Variants in IMMP2L observed in about 807,000 individuals in gnomAD.
The protein encoded by IMMP2L is inner mitochondrial membrane peptidase subunit 2.
IMMP2L carries 18 observed loss-of-function variants against 19.3 expected under a neutral mutation model. The observed-to-expected ratio is 0.93, with a 90% CI of 0.64 to 1.38. The LOEUF (loss-of-function observed/expected upper bound fraction) is 1.38. Ranked by LOEUF, IMMP2L falls within the 40% of genes most tolerant of loss-of-function variation. The probability of loss-of-function intolerance (pLI) is 0.00; values close to 1 mark genes in which losing one functional copy is unlikely to be tolerated. For missense variants in IMMP2L, 233 were observed against 218.2 expected, an observed-to-expected ratio of 1.07 and a Z score of -0.43; for synonymous variants, 76 against 73.0, an observed-to-expected ratio of 1.04 and a Z score of -0.21.
At chr7:110,745,028 C>G (rs1797242007) in intron 5 of IMMP2L, among the ~76,000 whole-genome samples, 1 of 152,106 alleles carries the variant, frequency 6.6e-6, no homozygotes, top group Non-Finnish European at 1.5e-5. Flanking sequence ...GAATTGCTAA[C>G]TAGAATAACC....
At chr7:111,077,880 C>T (rs1795551018) in intron 3 of IMMP2L, among the ~76,000 whole-genome samples, 1 of 152,112 alleles carries the variant, frequency 6.6e-6, no homozygotes, top group Non-Finnish European at 1.5e-5. Context: ...TGCCAAGGAC[C>T]TTTGTGCACA....
At chr7:111,211,296 G>T (rs1009195839) in intron 3 of IMMP2L, among the ~76,000 whole-genome samples, 1 of 152,116 alleles carries the variant, frequency 6.6e-6, no homozygotes, top group Non-Finnish European at 1.5e-5. Flanking sequence ...GGGAGGAAAT[G>T]ACTCTATGCG....
rs1819616248 is a variant in IMMP2L at position 110,967,105 on chromosome 7, T to C, written c.240-3540A>G. On this transcript the variant is annotated intron_variant, in intron 3 of 5. Transcript: ENST00000405709. ...ATTTGGCAAGATTTCTCCAGAGACT[T>C]GGATGAGGAGCCTAGAATTGTTTCT... Among the ~76,000 whole-genome samples the C allele has an allele frequency of 1.3e-5, 2 of 152,104 alleles. 1 individual carries two copies. The highest frequency in any genetic ancestry group is 4.1e-4 in the South Asian group (2 of 4,824).
chr7:110,902,869 A>T (rs569229004), intron 4 of IMMP2L, among the ~76,000 whole-genome samples: 1,222 of 38,044 alleles, frequency 0.032, 369 homozygotes, highest in African/African-American at 0.16. Context: ...GAGGCGGAGC[A>T]TGCAGTGAGC....
At chr7:110,674,210 G>A (rs1486816404) in intron 5 of IMMP2L, among the ~76,000 whole-genome samples, 2 of 152,128 alleles carry the variant, frequency 1.3e-5, no homozygotes, top group Non-Finnish European at 2.9e-5. Flanking sequence ...GCAAAAGGGG[G>A]AAAGCCCTTT....
intron 3 of IMMP2L, among the ~76,000 whole-genome samples, chr7:111,429,918 C>T (rs1311509106): frequency 1.3e-5 from 2 of 151,958 alleles, no homozygotes; most frequent in East Asian, 3.9e-4. Context: ...TATTATATAG[C>T]AAGTATGCTT....
intron 5 of IMMP2L, among the ~76,000 whole-genome samples, chr7:110,669,081 G>A (rs1326520696): frequency 0.081 from 7,178 of 88,492 alleles, 260 homozygotes; most frequent in African/African-American, 0.15. Flanking sequence ...GTGTGTGTGT[G>A]TGTGTGTGTA....
chr7:111,147,203 G>A (rs1803569573), intron 3 of IMMP2L, among the ~76,000 whole-genome samples: 1 of 151,990 alleles, frequency 6.6e-6, no homozygotes, highest in Non-Finnish European at 1.5e-5. Context: ...AGGTCAGGGG[G>A]CTGTTGTTGC....
At chr7:110,700,791 A>T (rs527958961) in intron 5 of IMMP2L, among the ~76,000 whole-genome samples, 1 of 152,366 alleles carries the variant, frequency 6.6e-6, no homozygotes, top group South Asian at 2.1e-4. Flanking sequence ...ATTAATTCTA[A>T]GAAATAAAAG....
chr7:110,836,751 C>T (rs1399600900), intron 5 of IMMP2L, among the ~76,000 whole-genome samples: 2 of 152,084 alleles, frequency 1.3e-5, no homozygotes, highest in Non-Finnish European at 2.9e-5. Flanking sequence ...GGTTGTTTGC[C>T]CTTGTGCTTT....
At chr7:110,886,891 ATT>A (rs1239790030) in intron 4 of IMMP2L, among the ~76,000 whole-genome samples, 196 bp from the exon 5 acceptor site, 15 of 152,042 alleles carry the variant, frequency 9.9e-5, no homozygotes, top group African/African-American at 3.6e-4. Flanking sequence ...TTCTTTTTAT[ATT>A]TCTATAGGTA....
chr7:111,442,643 C>G (rs1278232738), intron 3 of IMMP2L, among the ~76,000 whole-genome samples: 7 of 151,630 alleles, frequency 4.6e-5, no homozygotes, highest in Admixed American at 3.9e-4. Context: ...GTATAGGTAC[C>G]TCAAATGTGA....
At position 110,817,408 on chromosome 7, in the gene IMMP2L, A is replaced by G. The variant is rs540416041; in HGVS notation, c.408+69185T>C. 2.6e-5 allele frequency among the ~76,000 whole-genome samples: 4 copies of G among 152,210 alleles called. No homozygotes were observed. In the East Asian group the frequency reaches 7.8e-4, roughly 30 times the overall value. ...TACCTAGGAATCCAACTTACAAGGG[A>G]TGTGAAGGACCTCTTCAAGGAGAAC... On this transcript the variant is annotated intron_variant, in intron 5 of 5. Transcript: ENST00000405709.
intron 5 of IMMP2L, among the ~76,000 whole-genome samples, chr7:110,861,110 A>T (rs866148779): frequency 4.5e-4 from 57 of 127,648 alleles, no homozygotes; most frequent in East Asian, 3.8e-3. Context: ...AGAGAGAGAG[A>T]GAGAGAGAGA....
chr7:111,117,240 T>TAG (rs913989117), intron 3 of IMMP2L, among the ~76,000 whole-genome samples: 8 of 152,136 alleles, frequency 5.3e-5, no homozygotes, highest in African/African-American at 1.9e-4. Context: ...ATTCAATTGT[T>TAG]AGACACCTTT....
At chr7:111,155,911 T>C (rs1307856705) in intron 3 of IMMP2L, among the ~76,000 whole-genome samples, 1 of 152,066 alleles carries the variant, frequency 6.6e-6, no homozygotes, top group African/African-American at 2.4e-5. Flanking sequence ...TTTTAAACTC[T>C]GCCATTTTAA....
chr7:111,535,264 CA>C (rs1214112420), intron 1 of IMMP2L, among the ~76,000 whole-genome samples: 2 of 150,356 alleles, frequency 1.3e-5, no homozygotes, highest in African/African-American at 4.9e-5. Context: ...AGAAATGTTC[CA>C]TATCAAAAAG....
At chr7:111,119,721 A>C (rs1353463224) in intron 3 of IMMP2L, among the ~76,000 whole-genome samples, 3 of 152,182 alleles carry the variant, frequency 2.0e-5, no homozygotes, top group African/African-American at 7.2e-5. Flanking sequence ...TTCATTCAAA[A>C]CATTTCTTGA....
chr7:111,311,949 C>T (rs1823570395), intron 3 of IMMP2L, among the ~76,000 whole-genome samples: 5 of 152,134 alleles, frequency 3.3e-5, no homozygotes, highest in Middle Eastern at 3.4e-3. Flanking sequence ...AAAGTAGCAC[C>T]TAATATCACA....
Sources: gnomAD v4.1 joint callset for allele counts (sites outside exome capture counted in the v4.1 genomes callset) on GRCh38, gnomAD v4.1.1 for gene constraint, MANE v1.5 for transcripts, NCBI Gene and HGNC (gene_info 2026-07-23, HGNC 2026-07-21) for gene names.